The following CUX1 variants were observed in gnomAD, a reference collection of about 807,000 sequenced individuals.
CUX1 encodes the protein cut like homeobox 1.
A neutral mutation model predicts 158.8 loss-of-function variants in CUX1; 31 were observed. The ratio of observed to expected loss-of-function variants is 0.20; its 90% confidence interval spans 0.15 to 0.26. CUX1 has a LOEUF of 0.26. Ranked by LOEUF, CUX1 falls within the 10% of genes least tolerant of loss-of-function variation. CUX1 has a pLI of 1.00. For missense variants in CUX1, 1,589 were observed against 2,014.6 expected (o/e 0.79, Z 4.04); for synonymous variants, 879 against 862.1 (o/e 1.02, Z -0.34).
At chr7:102,149,402 C>T (rs1835376670) in intron 8 of CUX1, among the ~76,000 whole-genome samples, 1 of 131,574 alleles carries the variant, frequency 7.6e-6, no homozygotes. Flanking sequence ...GGTCCCTGCC[C>T]ACCCACCCAC....
chr7:102,182,724 T>C (rs1259890355), intron 11 of CUX1, among the ~76,000 whole-genome samples: 2 of 152,198 alleles, frequency 1.3e-5, no homozygotes, highest in African/African-American at 4.8e-5. Flanking sequence ...CAAGGCTGCT[T>C]TTTGATAACT....
chr7:101,836,562 C>T (rs1268258229), intron 1 of CUX1, among the ~76,000 whole-genome samples: 2 of 151,822 alleles, frequency 1.3e-5, no homozygotes, highest in Non-Finnish European at 2.9e-5. Context: ...CAATCCTTGG[C>T]CAGGCGCAGT....
chr7:102,153,136 C>T (rs1226461407), intron 8 of CUX1, among the ~76,000 whole-genome samples: 4 of 152,164 alleles, frequency 2.6e-5, no homozygotes, highest in African/African-American at 4.8e-5. Flanking sequence ...TCCGGATATT[C>T]GGTGTCCTGA....
In CUX1 at chr7:102,249,456, T is replaced by C; in HGVS notation, c.*414T>C. 1.0e-6 allele frequency: 1 copy of C among 986,214 alleles called. No homozygotes were observed. Among genetic ancestry groups the C allele is most frequent in the Non-Finnish European group, 1.2e-6 (1 of 830,136 alleles). The allele number at this position is 986,214 out of a possible 1,614,324, so 61.1% of individuals were successfully genotyped here. On this transcript the variant is annotated 3_prime_UTR_variant, in exon 24 of 24. Transcript: ENST00000292535. ...TTTCAAGGAAGAAAACGGAAATGTGTGGTCGAGCTTTTTTGTACCCTGAAG... is the reference window on the plus strand; with the variant it reads ...TTTCAAGGAAGAAAACGGAAATGTGCGGTCGAGCTTTTTTGTACCCTGAAG...
chr7:102,270,501 C>T (rs1725603), intron 14 of CUX1, among the ~76,000 whole-genome samples: 78,271 of 151,950 alleles, frequency 0.52, 20,335 homozygotes, highest in South Asian at 0.58. Context: ...CCTCTACCCA[C>T]AGCCTTCCCT....
At chr7:102,166,383 G>A (rs1237099525) in intron 9 of CUX1, among the ~76,000 whole-genome samples, 1 of 152,182 alleles carries the variant, frequency 6.6e-6, no homozygotes. Context: ...AAAGTAGAAC[G>A]AGGGCTCCCA....
intron 5 of CUX1, among the ~76,000 whole-genome samples, chr7:102,101,914 TAAAA>T (rs66607293): frequency 4.3e-5 from 6 of 139,456 alleles, no homozygotes; most frequent in Admixed American, 7.2e-5. Flanking sequence ...TCTGTCTCAA[TAAAA>T]AAAAAAAAAA....
rs1799939384 is a variant in CUX1 at position 102,239,534 on chromosome 7, C to G, written c.3837C>G (p.Thr1279=). Residue 1279 remains threonine (T), a synonymous_variant, in exon 23 of 24, where the codon ACC becomes ACG. Transcript: ENST00000292535. Reference sequence around the variant, plus strand: ...CAAAAACCATCGAAGACCTCGCCACCCAGCTCAACCTGAAAACCAGCACCG... The same window carrying G: ...CAAAAACCATCGAAGACCTCGCCACGCAGCTCAACCTGAAAACCAGCACCG... ...PSPKTIEDLA[T]QLNLKTSTVI... The G allele has an allele frequency of 2.5e-6, 4 of 1,614,100 alleles. No individual in the cohort carries two copies. Among genetic ancestry groups the G allele is most frequent in the Admixed American group, 3.3e-5 (2 of 60,026 alleles).
intron 2 of CUX1, among the ~76,000 whole-genome samples, chr7:102,021,108 C>T (rs1819284710): frequency 6.8e-6 from 1 of 147,350 alleles, no homozygotes; most frequent in Admixed American, 6.7e-5. Flanking sequence ...CCCTCACTAC[C>T]CCCACCCTGC....
In CUX1 at chr7:101,946,544, CAAAAAAAAAA is replaced by C. The variant is rs386410843; in HGVS notation, c.141+30331_141+30340del. Among the ~76,000 whole-genome samples the C allele has an allele frequency of 1.0e-4, 8 of 78,192 alleles. No individual in the cohort carries two copies. The South Asian group carries it at 2.3e-3, about 22-fold the overall frequency. The allele number at this position is 78,192 out of a possible 152,430, so 51.3% of individuals were successfully genotyped here. A position where few individuals can be genotyped will look rare whatever the true frequency, so the allele number is the denominator to read the frequency against. On this transcript the variant is annotated intron_variant, in intron 2 of 23. Coordinates refer to ENST00000292535, the MANE Select transcript of CUX1 (RefSeq NM_181552.4). ...GTGTGACAAGAGCGAGACTCCGTCTCAAAAAAAAAAAAAAAAAAAAAGAGAGAAGGGTTTC... is the reference window on the plus strand; with the variant it reads ...GTGTGACAAGAGCGAGACTCCGTCTCAAAAAAAAAAAGAGAGAAGGGTTTC...
intron 2 of CUX1, among the ~76,000 whole-genome samples, chr7:101,982,310 C>CAGG (rs1813544285): frequency 6.6e-6 from 1 of 152,244 alleles, no homozygotes; most frequent in South Asian, 2.1e-4. Context: ...TAGGGAAGGC[C>CAGG]AGGAGCTAGG....
chr7:102,033,336 A>G (rs1821020229), intron 3 of CUX1, among the ~76,000 whole-genome samples: 1 of 152,176 alleles, frequency 6.6e-6, no homozygotes, highest in Admixed American at 6.6e-5. Context: ...GTTCAAATAG[A>G]ATGAAAGAAA....
At chr7:102,085,293 A>G (rs1354799515) in intron 4 of CUX1, among the ~76,000 whole-genome samples, 1 of 152,186 alleles carries the variant, frequency 6.6e-6, no homozygotes, top group Non-Finnish European at 1.5e-5. Context: ...TCAATTTGCT[A>G]CTGTTTTACT....
Position 102,250,291 on chromosome 7 carries a change from A to G in CUX1, c.*1249A>G. On this transcript the variant is annotated 3_prime_UTR_variant, in exon 24 of 24. Transcript: ENST00000292535. ...AGAGAGTAGTCCGGGCGAGCACAGC[A>G]GGCAGTTCCAGGGCCAGACGGGCCC... is the stretch of plus-strand genomic sequence containing the variant. The G allele has an allele frequency of 1.0e-6, 1 of 985,442 alleles. No individual in the cohort carries two copies. Among genetic ancestry groups the G allele is most frequent in the Non-Finnish European group, 1.2e-6 (1 of 829,956 alleles). 61.0% of individuals were successfully genotyped at this position (985,442 alleles called of 1,614,324 possible). A position where few individuals can be genotyped will look rare whatever the true frequency, so the allele number is the denominator to read the frequency against.
At position 102,248,896 on chromosome 7, in the gene CUX1, A is replaced by G; in HGVS notation, c.4372A>G (p.Ser1458Gly). The G allele has an allele frequency of 7.0e-7, 1 of 1,422,072 alleles. No individual in the cohort carries two copies. 88.1% of individuals were successfully genotyped at this position (1,422,072 alleles called of 1,614,324 possible). ...SAPRRPSSLQ[S>G]LFGLPEAAGA... ...CCCCCGCAGGCCCAGCTCGCTGCAG[A>G]GCCTTTTCGGCCTCCCCGAGGCCGC... is the stretch of plus-strand genomic sequence containing the variant. The change falls in exon 24 of 24, where the codon AGC becomes GGC. Residue 1458 changes from serine (S) to glycine (G), a missense_variant. By Grantham distance (56) the Ser-to-Gly change is moderately conservative. This residue lies in a region of CUX1 where 344 missense variants were observed against 323.7 expected (regional missense o/e 1.06). Coordinates refer to ENST00000292535, the MANE Select transcript of CUX1 (RefSeq NM_181552.4). The surrounding 1 kb of genome is among the most constrained non-coding windows in gnomAD (Gnocchi z 5.8).
In CUX1 at chr7:102,256,792, G is replaced by A; in HGVS notation, c.*7750G>A. On this transcript the variant is annotated 3_prime_UTR_variant, in exon 24 of 24. Transcript: ENST00000292535. ...GTGGTCAGAGAGGGCGCGGTGGCCT[G>A]GCCAAGACTTTACCTCCAAGCGAGA... The A allele has an allele frequency of 2.0e-6, 2 of 985,458 alleles. No homozygotes were observed. Among genetic ancestry groups the A allele is most frequent in the Non-Finnish European group, 2.4e-6 (2 of 829,964 alleles). The allele number at this position is 985,458 out of a possible 1,614,324, so 61.0% of individuals were successfully genotyped here.
intron 23 of CUX1, among the ~76,000 whole-genome samples, chr7:102,242,989 C>T (rs962545696): frequency 6.6e-6 from 1 of 151,956 alleles, no homozygotes; most frequent in African/African-American, 2.4e-5. Context: ...AATCACAGGT[C>T]TGGGCTGGGT....
At chr7:101,911,026 G>A (rs1399014009) in intron 1 of CUX1, among the ~76,000 whole-genome samples, 1 of 152,272 alleles carries the variant, frequency 6.6e-6, no homozygotes, top group East Asian at 1.9e-4. Context: ...CAGGATTCCA[G>A]CTATCCACAG....
chr7:101,829,513 G>C (rs1562896856), intron 1 of CUX1, among the ~76,000 whole-genome samples: 2 of 152,092 alleles, frequency 1.3e-5, no homozygotes, highest in Non-Finnish European at 2.9e-5. Flanking sequence ...GGACTTTGCT[G>C]AGCTCCAGGA....
Sources: allele counts gnomAD v4.1 joint callset (sites outside exome capture counted in the v4.1 genomes callset), GRCh38; gene constraint gnomAD v4.1.1; regional missense constraint gnomAD v4.1.1; non-coding constraint Gnocchi (gnomAD v3.1); transcripts MANE v1.5; gene names NCBI Gene and HGNC (gene_info 2026-07-23, HGNC 2026-07-21).